SVIP: variants seen among roughly 807,000 people sequenced by gnomAD.
SVIP encodes the protein small VCP/p97-interacting protein.
In SVIP, 14 loss-of-function variants were observed where a neutral mutation model predicts 12.9. That is an observed-to-expected ratio of 1.08 (90% CI 0.72 to 1.70). The LOEUF (loss-of-function observed/expected upper bound fraction) is 1.70. Ranked by LOEUF, SVIP falls within the 40% of genes most tolerant of loss-of-function variation. The pLI is 0.00. For synonymous variants in SVIP, 35 were observed against 33.3 expected, an observed-to-expected ratio of 1.05 and a Z score of -0.17; for missense variants, 93 against 90.8, an observed-to-expected ratio of 1.02 and a Z score of -0.10.
rs1421939527 is a variant in SVIP at position 22,821,354 on chromosome 11, T to C, written c.*1765A>G. The C allele has an allele frequency of 6.6e-6, 1 of 151,940 alleles. No homozygotes were observed. Among genetic ancestry groups the C allele is most frequent in the African/African-American group, 2.4e-5 (1 of 41,374 alleles). The allele number at this position is 151,940 out of a possible 1,614,324, so 9.4% of individuals were successfully genotyped here. A position where few individuals can be genotyped will look rare whatever the true frequency, so the allele number is the denominator to read the frequency against. ...TGACAGGCCATGGTTGGAAGTAACATGTTCCACTTTTCACGAAAAGTAATA... is the reference window on the plus strand; with the variant it reads ...TGACAGGCCATGGTTGGAAGTAACACGTTCCACTTTTCACGAAAAGTAATA... On this transcript the variant is annotated 3_prime_UTR_variant, in exon 4 of 4. Transcript: ENST00000354193.
At chr11:22,823,826 G>C (rs1857569444) in intron 3 of SVIP, among the ~76,000 whole-genome samples, 1 of 152,170 alleles carries the variant, frequency 6.6e-6, no homozygotes, top group Admixed American at 6.5e-5. Flanking sequence ...GCAGGCTCAA[G>C]TCATTCTCCC....
chr11:22,820,707 G>A lies in SVIP; in HGVS notation c.*2412C>T, dbSNP rs527535167. On this transcript the variant is annotated 3_prime_UTR_variant, in exon 4 of 4. Coordinates refer to ENST00000354193, the MANE Select transcript of SVIP (RefSeq NM_148893.3). ...CTGTTAAATTACATTCCAAATACCA[G>A]CAGTGGAACAAACAGAAACACAGAG... The A allele has an allele frequency of 3.9e-5, 6 of 152,214 alleles. No individual in the cohort carries two copies. In the East Asian group the frequency reaches 1.2e-3, roughly 29 times the overall value. The allele number at this position is 152,214 out of a possible 1,614,324, so 9.4% of individuals were successfully genotyped here. A position where few individuals can be genotyped will look rare whatever the true frequency, so the allele number is the denominator to read the frequency against.
chr11:22,824,601 T>TA (rs1223604358), intron 3 of SVIP, among the ~76,000 whole-genome samples: 4 of 151,994 alleles, frequency 2.6e-5, no homozygotes, highest in Middle Eastern at 3.4e-3. Context: ...TACAATTTCT[T>TA]AGAGGCCATA....
chr11:22,828,175 A>T (rs1857794070), intron 1 of SVIP, among the ~76,000 whole-genome samples: 1 of 152,222 alleles, frequency 6.6e-6, no homozygotes, highest in Non-Finnish European at 1.5e-5. Flanking sequence ...ATGTTTACAA[A>T]TACAAAAAGG....
chr11:22,829,795 C>A lies in SVIP; in HGVS notation c.-47G>T, dbSNP rs1857894877. On this transcript the variant is annotated 5_prime_UTR_variant, in exon 1 of 4. Transcript: ENST00000354193. ...CTGACCGGGTCCGGCCCAGGCCAGG[C>A]GGCGCTAACTGCGCGGTCCGGAGCC... The A allele has an allele frequency of 1.3e-6, 2 of 1,548,032 alleles. No homozygotes were observed. Among genetic ancestry groups the A allele is most frequent in the Admixed American group, 1.9e-5 (1 of 53,516 alleles).
chr11:22,827,936 C>T lies in SVIP; in HGVS notation c.55-62G>A. The T allele has an allele frequency of 3.2e-6, 4 of 1,245,280 alleles. No individual in the cohort carries two copies. In the South Asian group the frequency reaches 4.8e-5, roughly 15 times the overall value. 77.1% of individuals were successfully genotyped at this position (1,245,280 alleles called of 1,614,324 possible). On this transcript the variant is annotated intron_variant, in intron 1 of 3. Coordinates refer to ENST00000354193, the MANE Select transcript of SVIP (RefSeq NM_148893.3). ...AACATTATTATTAATAAATTATTCACATTTATTTCATAGGCACTATAACAA... is the reference window on the plus strand; with the variant it reads ...AACATTATTATTAATAAATTATTCATATTTATTTCATAGGCACTATAACAA...
At position 22,822,858 on chromosome 11, in the gene SVIP, C is replaced by T. The variant is rs1857532836; in HGVS notation, c.*261G>A. On this transcript the variant is annotated 3_prime_UTR_variant, in exon 4 of 4. Coordinates refer to ENST00000354193, the MANE Select transcript of SVIP (RefSeq NM_148893.3). ...TGTATGTATATTCACTATTTAGTTC[C>T]ATTTTTTAACTACTAAGAAAAATAG... 2.4e-6 allele frequency: 1 copy of T among 423,296 alleles called. No individual in the cohort carries two copies. Among genetic ancestry groups the T allele is most frequent in the Non-Finnish European group, 4.2e-6 (1 of 236,478 alleles). 26.2% of individuals were successfully genotyped at this position (423,296 alleles called of 1,614,324 possible).
intron 1 of SVIP, 100 bp from the exon 2 acceptor site, chr11:22,827,974 T>C: frequency 1.1e-6 from 1 of 909,878 alleles, no homozygotes; most frequent in Non-Finnish European, 1.6e-6. Context: ...TACAAAAATA[T>C]TCGGTACTGG....
At chr11:22,825,552 T>C (rs1857666128) in intron 3 of SVIP, among the ~76,000 whole-genome samples, 1 of 152,196 alleles carries the variant, frequency 6.6e-6, no homozygotes, top group Non-Finnish European at 1.5e-5. Context: ...GTTTGAGAGA[T>C]TTCTTACAAG....
At chr11:22,828,080 C>G (rs1406377820) in intron 1 of SVIP, among the ~76,000 whole-genome samples, 1 of 152,110 alleles carries the variant, frequency 6.6e-6, no homozygotes, top group Non-Finnish European at 1.5e-5. Flanking sequence ...AAAACAGATA[C>G]AAGGTTTACC....
intron 2 of SVIP, 143 bp downstream of exon 2, chr11:22,827,681 C>A: frequency 1.9e-6 from 1 of 519,420 alleles, no homozygotes; most frequent in Non-Finnish European, 3.3e-6. Flanking sequence ...ATAAGGAAAT[C>A]ATTTTGAAAA....
chr11:22,824,149 T>C (rs1857583539), intron 3 of SVIP, among the ~76,000 whole-genome samples: 1 of 151,990 alleles, frequency 6.6e-6, no homozygotes, highest in South Asian at 2.1e-4. Flanking sequence ...TATCCAATAA[T>C]CAGTAAAGGA....
chr11:22,827,230 G>T lies in SVIP; in HGVS notation c.196C>A (p.Pro66Thr). The change falls in exon 3 of 4, where the codon CCC becomes ACC. Residue 66 changes from proline (P) to threonine (T), a missense_variant. Pro to Thr is a conservative substitution (Grantham distance 38, BLOSUM62 -1). Coordinates refer to ENST00000354193, the MANE Select transcript of SVIP (RefSeq NM_148893.3). ...KIEKQIATSG[P>T]PPEGGLRWTV... ...ACCCTAAGTCCACCTTCTGGTGGGG[G>T]CCCGGATGTAGCAATTTGTTTTTCT... is the stretch of plus-strand genomic sequence containing the variant. The T allele has an allele frequency of 6.2e-7, 1 of 1,609,172 alleles. No individual in the cohort carries two copies. The highest frequency in any genetic ancestry group is 1.3e-5 in the African/African-American group (1 of 74,552).
At chr11:22,824,245 T>C (rs1857588011) in intron 3 of SVIP, among the ~76,000 whole-genome samples, 1 of 152,042 alleles carries the variant, frequency 6.6e-6, no homozygotes, top group South Asian at 2.1e-4. Context: ...CATTAAAAAA[T>C]GGTTTGGCAA....
chr11:22,823,136 A>G lies in SVIP; in HGVS notation c.220-3T>C, dbSNP rs1351656404. ...GTTATGCTTTATGAAACTGTCCACT[A>G]GAAAAGATAAAAAAGAGACAGAAAA... On this transcript the variant is annotated splice_region_variant and splice_polypyrimidine_tract_variant and intron_variant, in intron 3 of 3. Transcript: ENST00000354193. The G allele has an allele frequency of 1.3e-6, 2 of 1,590,812 alleles. No individual in the cohort carries two copies. Among genetic ancestry groups the G allele is most frequent in the Non-Finnish European group, 1.7e-6 (2 of 1,167,858 alleles).
chr11:22,826,453 A>G (rs1429425564), intron 3 of SVIP, among the ~76,000 whole-genome samples: 1 of 152,228 alleles, frequency 6.6e-6, no homozygotes, highest in Non-Finnish European at 1.5e-5. Context: ...ACTGAAATTA[A>G]AGACATTGTC....
At position 22,822,990 on chromosome 11, in the gene SVIP, TTAAG is replaced by T. The variant is rs1435827121; in HGVS notation, c.*125_*128del. Reference sequence around the variant, plus strand: ...AATCAACGTTTTTTTAGCATTGCACTTAAGGGCAATAATATTACAAAGTCTGAAT... The same window carrying T: ...AATCAACGTTTTTTTAGCATTGCACTGGCAATAATATTACAAAGTCTGAAT... On this transcript the variant is annotated 3_prime_UTR_variant, in exon 4 of 4. Transcript: ENST00000354193. 1 of 758,820 alleles carries T rather than the reference TTAAG, an allele frequency of 1.3e-6. No homozygotes were observed. The highest frequency in any genetic ancestry group is 1.8e-5 in the African/African-American group (1 of 55,204). 47.0% of individuals were successfully genotyped at this position (758,820 alleles called of 1,614,324 possible).
chr11:22,827,761 T>C, intron 2 of SVIP, 63 bp downstream of exon 2: 2 of 1,349,008 alleles, frequency 1.5e-6, no homozygotes, highest in South Asian at 2.8e-5. Flanking sequence ...GCTATGGACA[T>C]CTATGAAGAA....
At position 22,821,785 on chromosome 11, in the gene SVIP, CCAT is replaced by C. The variant is rs1419770080; in HGVS notation, c.*1331_*1333del. 1 of 152,144 alleles carries C rather than the reference CCAT, an allele frequency of 6.6e-6. No homozygotes were observed. Among genetic ancestry groups the C allele is most frequent in the African/African-American group, 2.4e-5 (1 of 41,438 alleles). 9.4% of individuals were successfully genotyped at this position (152,144 alleles called of 1,614,324 possible). A position where few individuals can be genotyped will look rare whatever the true frequency, so the allele number is the denominator to read the frequency against. ...CTAGATATTCACACAATATTTCACA[CCAT>C]AATAGAAAAAATAATTTTTCCATGA... is the stretch of plus-strand genomic sequence containing the variant. On this transcript the variant is annotated 3_prime_UTR_variant, in exon 4 of 4. Coordinates refer to ENST00000354193, the MANE Select transcript of SVIP (RefSeq NM_148893.3).
Sources: gnomAD v4.1 joint callset for allele counts (sites outside exome capture counted in the v4.1 genomes callset) on GRCh38, gnomAD v4.1.1 for gene constraint, MANE v1.5 for transcripts, NCBI Gene and HGNC (gene_info 2026-07-23, HGNC 2026-07-21) for gene names.